KRT5: variants seen among roughly 807,000 people sequenced by gnomAD.
The protein encoded by KRT5 is keratin 5.
KRT5 carries 17 observed loss-of-function variants against 44.0 expected under a neutral mutation model. The observed-to-expected ratio is 0.39, with a 90% CI of 0.26 to 0.58. The LOEUF (loss-of-function observed/expected upper bound fraction) is 0.58, where lower values mean the gene tolerates loss of function less well. KRT5 is among the 20% of genes least tolerant of loss of function. KRT5 has a pLI of 0.61. For synonymous variants in KRT5, 329 were observed against 312.8 expected (o/e 1.05, Z -0.55); for missense variants, 737 against 785.5 (o/e 0.94, Z 0.74).
At chr12:52,518,356 A>G (rs1938650451) in intron 2 of KRT5, 193 bp from the exon 3 acceptor site, 2 of 689,756 alleles carry the variant, frequency 2.9e-6, no homozygotes, top group African/African-American at 3.5e-5. Context: ...TTTCTCTGTA[A>G]CTGCCTACCA....
rs1469626062 is a variant in KRT5 at position 52,517,889 on chromosome 12, T to A, written c.927+8A>T. On this transcript the variant is annotated splice_region_variant and intron_variant, in intron 4 of 8. Transcript: ENST00000252242. ...CACCCATGTGAAAAATTTAGATAAG[T>A]TTCTTACCGCATCAAAGAACATCTT... 1.5e-5 allele frequency: 24 copies of A among 1,613,648 alleles called. No homozygotes were observed. The Admixed American group carries it at 4.0e-4, about 27-fold the overall frequency.
At chr12:52,516,494 A>G (rs1938611670) in intron 7 of KRT5, 143 bp downstream of exon 7, 3 of 873,674 alleles carry the variant, frequency 3.4e-6, no homozygotes, top group Non-Finnish European at 3.7e-6. Context: ...CTATATGGCC[A>G]TGAGTCAGAC....
chr12:52,519,726 A>G lies in KRT5; in HGVS notation c.555+16T>C. ...TTCAGACCCACAGTGATTTTTTACA[A>G]AAGATCGTAGCTCACCTTGTCGATG... is the stretch of plus-strand genomic sequence containing the variant. On this transcript the variant is annotated intron_variant, in intron 1 of 8. Transcript: ENST00000252242. 1 of 1,612,378 alleles carries G rather than the reference A, an allele frequency of 6.2e-7. No homozygotes were observed. The highest frequency in any genetic ancestry group is 8.5e-7 in the Non-Finnish European group (1 of 1,178,554).
intron 1 of KRT5, among the ~76,000 whole-genome samples, chr12:52,519,365 A>G (rs1938671413): frequency 1.3e-5 from 2 of 152,218 alleles, no homozygotes; most frequent in African/African-American, 4.8e-5. Context: ...CAGGGCACAG[A>G]AAGCACTAGG....
chr12:52,518,321 A>C, intron 2 of KRT5, 158 bp from the exon 3 acceptor site: 1 of 731,408 alleles, frequency 1.4e-6, no homozygotes, highest in African/African-American at 1.7e-5. Context: ...CCTCTGGCCA[A>C]GGTCCCTCCC....
intron 1 of KRT5, 27 bp from the exon 2 acceptor site, chr12:52,519,187 G>A: frequency 2.5e-6 from 4 of 1,613,662 alleles, no homozygotes; most frequent in East Asian, 2.2e-5. Flanking sequence ...TTTGAAGATA[G>A]AGAAACTTGG....
In KRT5 at chr12:52,517,751, G is replaced by C. The variant is rs1434489708; in HGVS notation, c.931C>G (p.Leu311Val). 1.9e-6 allele frequency: 3 copies of C among 1,614,116 alleles called. No homozygotes were observed. In the African/African-American group the frequency reaches 4.0e-5, roughly 22 times the overall value. Residue 311 changes from leucine (L) to valine (V), a missense_variant, in exon 5 of 9, where the codon CTG (leucine) becomes GTG (valine). Leu to Val is a conservative substitution (Grantham distance 32, BLOSUM62 1). Coordinates refer to ENST00000252242, the MANE Select transcript of KRT5 (RefSeq NM_000424.4). ...NFMKMFFDAE[L>V]SQMQTHVSDT... ...GAGACATGCGTCTGCATCTGGGACA[G>C]CTCCTGCAGGGAGATTTGGAGTCGG... is the stretch of plus-strand genomic sequence containing the variant.
At position 52,519,962 on chromosome 12, in the gene KRT5, C is replaced by A. The variant is rs760710214; in HGVS notation, c.335G>T (p.Gly112Val). 6.2e-7 allele frequency: 1 copy of A among 1,612,822 alleles called. No individual in the cohort carries two copies. The highest frequency in any genetic ancestry group is 8.5e-7 in the Non-Finnish European group (1 of 1,179,184). Residue 112 changes from glycine (G) to valine (V), a missense_variant, in exon 1 of 9, where the codon GGT (glycine) becomes GTT (valine). This residue lies in a region of KRT5 where 326 missense variants were observed against 333.1 expected (regional missense o/e 0.98). Transcript: ENST00000252242. ...GSGFGFGGGA[G>V]GGFGLGGGAG... is the part of the protein sequence containing the mutation. ...TCCGCCACCGAGCCCAAAGCCACCA[C>A]CAGCTCCACCGCCGAAACCAAATCC...
At chr12:52,518,810 T>G in intron 2 of KRT5, 136 bp downstream of exon 2, 1 of 1,061,112 alleles carries the variant, frequency 9.4e-7, no homozygotes, top group Non-Finnish European at 1.4e-6. Context: ...GTTTGTTTGT[T>G]TTAGTACTGG....
At chr12:52,515,699 G>A in intron 8 of KRT5, 99 bp downstream of exon 8, 1 of 957,936 alleles carries the variant, frequency 1.0e-6, no homozygotes, top group South Asian at 1.3e-5. Flanking sequence ...CATATGCTGG[G>A]ATGGGAAAAG....
At chr12:52,518,383 T>G (rs901286180) in intron 2 of KRT5, 5 of 671,802 alleles carry the variant, frequency 7.4e-6, no homozygotes, top group African/African-American at 3.6e-5. Flanking sequence ...AATTCTATTA[T>G]TGCTCTAATT....
chr12:52,517,048 A>G (rs1938622750), intron 6 of KRT5, 59 bp downstream of exon 6: 2 of 1,605,694 alleles, frequency 1.2e-6, no homozygotes, highest in African/African-American at 2.7e-5. Flanking sequence ...AATAAAACAA[A>G]GTAGGTGTTT....
chr12:52,518,216 G>A (rs1015903668), intron 2 of KRT5, 53 bp from the exon 3 acceptor site: 27 of 1,554,738 alleles, frequency 1.7e-5, no homozygotes, highest in Middle Eastern at 3.4e-4. Context: ...AACAGGTAAG[G>A]GGTCTTTATT....
chr12:52,520,137 C>T lies in KRT5; in HGVS notation c.160G>A (p.Ala54Thr), dbSNP rs1366927682. ...GGFGRVSLAG[A>T]CGVGGYGSRS... ...CTGCCATAGCCACCCACTCCACAAG[C>T]ACCCGCAAGGCTGACCCTGCCGAAG... is the stretch of plus-strand genomic sequence containing the variant. The change falls in exon 1 of 9, where the codon GCT becomes ACT. Residue 54 changes from alanine (A) to threonine (T), a missense_variant. Coordinates refer to ENST00000252242, the MANE Select transcript of KRT5 (RefSeq NM_000424.4). 4.3e-6 allele frequency: 7 copies of T among 1,613,922 alleles called. No homozygotes were observed. The highest frequency in any genetic ancestry group is 1.6e-4 in the Middle Eastern group (1 of 6,084).
In KRT5 at chr12:52,517,685, G is replaced by A; in HGVS notation, c.997C>T (p.Leu333=). The change falls in exon 5 of 9, where the codon CTG becomes TTG. Residue 333 remains leucine (L), a synonymous_variant. Coordinates refer to ENST00000252242, the MANE Select transcript of KRT5 (RefSeq NM_000424.4). ...VVLSMDNNRN[L]DLDSIIAEVK... is the part of the protein sequence containing the mutation. ...TCAGCGATGATGCTATCCAGGTCCA[G>A]GTTGCGGTTGTTGTCCATGGAGAGG... 6.2e-7 allele frequency: 1 copy of A among 1,614,210 alleles called. No individual in the cohort carries two copies. Among genetic ancestry groups the A allele is most frequent in the South Asian group, 1.1e-5 (1 of 91,086 alleles).
At position 52,515,022 on chromosome 12, in the gene KRT5, A is replaced by AGCCCACCCCAGCCCTCGGCCACTGCTT; in HGVS notation, c.1692_1693insAAGCAGTGGCCGAGGGCTGGGGTGGGC (p.Gly564_Phe565insLysGlnTrpProArgAlaGlyValGly). Reference sequence around the variant, plus strand: ...GAGCTGCTACCCCCGCCACTGCCAAAGCCCACCCCCAGCCCTCGGCCACTG... The same window carrying AGCCCACCCCAGCCCTCGGCCACTGCTT: ...GAGCTGCTACCCCCGCCACTGCCAAAGCCCACCCCAGCCCTCGGCCACTGCTTGCCCACCCCCAGCCCTCGGCCACTG... On this transcript the variant is annotated inframe_insertion, in exon 9 of 9. Transcript: ENST00000252242. 6.2e-7 allele frequency: 1 copy of AGCCCACCCCAGCCCTCGGCCACTGCTT among 1,612,622 alleles called. No individual in the cohort carries two copies. Among genetic ancestry groups the AGCCCACCCCAGCCCTCGGCCACTGCTT allele is most frequent in the Non-Finnish European group, 8.5e-7 (1 of 1,179,472 alleles).
chr12:52,516,288 A>G, intron 7 of KRT5: 1 of 394,976 alleles, frequency 2.5e-6, no homozygotes. Context: ...GCCTTCCTGA[A>G]GGAAGGGGTA....
Position 52,519,169 on chromosome 12 carries a change from G to T in KRT5, c.556-9C>A. On this transcript the variant is annotated splice_polypyrimidine_tract_variant and intron_variant, in intron 1 of 8. Transcript: ENST00000252242. ...TGCTCCAGGAACCGCACCTGGAGGG[G>T]AGCAGGGTTTGAAGATAGAGAAACT... The T allele has an allele frequency of 6.2e-7, 1 of 1,614,070 alleles. No homozygotes were observed. Among genetic ancestry groups the T allele is most frequent in the South Asian group, 1.1e-5 (1 of 91,076 alleles).
chr12:52,518,276 A>G (rs949885067), intron 2 of KRT5, 113 bp from the exon 3 acceptor site: 2 of 974,716 alleles, frequency 2.1e-6, no homozygotes, highest in African/African-American at 3.2e-5. Flanking sequence ...GCTTCTCCTC[A>G]TAGGCAGAGA....
Sources: gnomAD v4.1 joint callset for allele counts (sites outside exome capture counted in the v4.1 genomes callset) on GRCh38, gnomAD v4.1.1 for gene constraint, gnomAD v4.1.1 regional missense constraint, MANE v1.5 for transcripts, NCBI Gene and HGNC (gene_info 2026-07-23, HGNC 2026-07-21) for gene names.